The following MS4A13 variants were observed in gnomAD, a reference collection of about 807,000 sequenced individuals.
MS4A13 encodes the protein membrane spanning 4-domains A13, also known as membrane-spanning 4-domains subfamily A member 13.
MS4A13 carries 21 observed loss-of-function variants against 18.4 expected under a neutral mutation model. The observed-to-expected ratio is 1.14, with a 90% confidence interval of 0.81 to 1.64. The LOEUF (loss-of-function observed/expected upper bound fraction) is 1.64, where lower values mean the gene tolerates loss of function less well. Among genes scored for constraint, MS4A13 ranks in the 40% most tolerant of loss-of-function variants. MS4A13 has a pLI of 0.00. For missense variants in MS4A13, 173 were observed against 176.8 expected, an observed-to-expected ratio of 0.98 and a Z score of 0.12; for synonymous variants, 62 against 57.2, an observed-to-expected ratio of 1.08 and a Z score of -0.38.
chr11:60,519,741 C>T (rs1056305300), intron 3 of MS4A13, among the ~76,000 whole-genome samples: 1 of 152,018 alleles, frequency 6.6e-6, no homozygotes, highest in Admixed American at 6.6e-5. Flanking sequence ...AAGAAAGGTG[C>T]AAAGCAATTG....
intron 3 of MS4A13, among the ~76,000 whole-genome samples, chr11:60,519,236 C>T (rs1204409242): frequency 6.6e-6 from 1 of 152,128 alleles, no homozygotes; most frequent in African/African-American, 2.4e-5. Flanking sequence ...AGATGTACAT[C>T]AGATGGGCAG....
chr11:60,528,379 G>C (rs575532586), intron 5 of MS4A13, among the ~76,000 whole-genome samples: 1 of 152,280 alleles, frequency 6.6e-6, no homozygotes, highest in East Asian at 1.9e-4. Flanking sequence ...CCTTCCCAGA[G>C]AGTAATAGCT....
At chr11:60,525,017 G>A (rs1035214434) in intron 4 of MS4A13, among the ~76,000 whole-genome samples, 190 bp from the exon 5 acceptor site, 1 of 152,092 alleles carries the variant, frequency 6.6e-6, no homozygotes, top group Non-Finnish European at 1.5e-5. Context: ...TGGACTGATG[G>A]TGTTAATGTT....
intron 3 of MS4A13, among the ~76,000 whole-genome samples, chr11:60,521,475 T>C (rs1236074903): frequency 6.6e-6 from 1 of 152,200 alleles, no homozygotes; most frequent in African/African-American, 2.4e-5. Flanking sequence ...GCCAGATATC[T>C]TAAATCATCT....
intron 5 of MS4A13, among the ~76,000 whole-genome samples, chr11:60,527,396 C>CTGTGTG (rs1157163515): frequency 2.5e-4 from 26 of 105,788 alleles, no homozygotes; most frequent in African/African-American, 1.0e-3. Context: ...CTCTCTCTCT[C>CTGTGTG]TCTCTCTCTC....
chr11:60,535,519 G>C (rs1322592555), intron 6 of MS4A13, among the ~76,000 whole-genome samples: 1 of 130,836 alleles, frequency 7.6e-6, no homozygotes, highest in East Asian at 2.6e-4. Flanking sequence ...CTCTGAAATT[G>C]TGGCAATAAT....
intron 3 of MS4A13, among the ~76,000 whole-genome samples, chr11:60,521,701 C>T (rs1362237322): frequency 6.6e-6 from 1 of 152,194 alleles, no homozygotes; most frequent in African/African-American, 2.4e-5. Flanking sequence ...CCCACATTTT[C>T]CTGTCTTCTT....
intron 5 of MS4A13, among the ~76,000 whole-genome samples, chr11:60,527,360 C>CTCTCT (rs1231003995): frequency 1.8e-5 from 1 of 56,742 alleles, no homozygotes; most frequent in Non-Finnish European, 3.4e-5. Context: ...CTCATTCATT[C>CTCTCT]CGTCTCTCTC....
intron 2 of MS4A13, among the ~76,000 whole-genome samples, chr11:60,517,001 A>C (rs1320304125): frequency 6.6e-6 from 1 of 151,186 alleles, no homozygotes; most frequent in Non-Finnish European, 1.5e-5. Context: ...GCTGGTGATA[A>C]AACAATAAAA....
At chr11:60,516,714 C>A (rs1179465336) in intron 2 of MS4A13, among the ~76,000 whole-genome samples, 1 of 152,048 alleles carries the variant, frequency 6.6e-6, no homozygotes, top group African/African-American at 2.4e-5. Flanking sequence ...CCTCCTGGAA[C>A]TCATATTGAT....
rs2086859878 is a variant in MS4A13 at position 60,541,657 on chromosome 11, G to A, written c.403-862G>A. ...AGTCAAAATGACCATTACCTTGAAG[G>A]GAAGGAATAGGTAATGGTTGAGAAA... On this transcript the variant is annotated intron_variant, in intron 6 of 6. Transcript: ENST00000378186. Among the ~76,000 whole-genome samples the A allele has an allele frequency of 2.0e-5, 3 of 152,246 alleles. No individual in the cohort carries two copies. The South Asian group carries it at 6.2e-4, about 32-fold the overall frequency.
intron 2 of MS4A13, 69 bp from the exon 3 acceptor site, chr11:60,518,003 A>G: frequency 8.1e-7 from 1 of 1,238,102 alleles, no homozygotes; most frequent in Middle Eastern, 2.1e-4. Flanking sequence ...TGCTTCTTAT[A>G]GTTAACACTT....
intron 4 of MS4A13, 49 bp from the exon 5 acceptor site, chr11:60,525,157 CA>C: frequency 7.0e-7 from 1 of 1,420,130 alleles, no homozygotes; most frequent in Non-Finnish European, 9.8e-7. Flanking sequence ...ACTATTACAC[CA>C]AAATGTTTAT....
chr11:60,542,538 T>C lies in MS4A13; in HGVS notation c.422T>C (p.Leu141Pro). 2 of 1,610,624 alleles carry C rather than the reference T, an allele frequency of 1.2e-6. No homozygotes were observed. Among genetic ancestry groups the C allele is most frequent in the East Asian group, 4.5e-5 (2 of 44,758 alleles). ...TTCCAGTTTCGAAGACAAAATGATC[T>C]TACATCTGTTACTGAGGAAGCTGAG... ...CSNLFRRQND[L>P]TSVTEEAEST... Residue 141 changes from leucine to proline, a missense_variant, in exon 7 of 7, where the codon CTT becomes CCT. Coordinates refer to ENST00000378186, the MANE Select transcript of MS4A13 (RefSeq NM_001012417.3).
chr11:60,538,184 AAAAAAAACG>A (rs2086824580), intron 6 of MS4A13, among the ~76,000 whole-genome samples: 2 of 151,230 alleles, frequency 1.3e-5, no homozygotes, highest in Non-Finnish European at 3.0e-5. Context: ...TAATAAAAAA[AAAAAAAACG>A]AAAAAAAAAA....
chr11:60,535,407 T>A lies in MS4A13; in HGVS notation c.402+5947T>A, dbSNP rs533331037. On this transcript the variant is annotated intron_variant, in intron 6 of 6. Transcript: ENST00000378186. ...AATACTACAAACACCTCTACGCAAA[T>A]AAACTAGAAAATCTAGAAGAAATGG... 4.2e-4 allele frequency among the ~76,000 whole-genome samples: 53 copies of A among 125,534 alleles called. 3 individuals are homozygous for A. Among genetic ancestry groups the A allele is most frequent in the African/African-American group, 1.6e-3 (52 of 31,936 alleles). The allele number at this position is 125,534 out of a possible 152,430, so 82.4% of individuals were successfully genotyped here.
intron 6 of MS4A13, among the ~76,000 whole-genome samples, chr11:60,538,476 C>T (rs2086828789): frequency 6.6e-6 from 1 of 151,494 alleles, no homozygotes; most frequent in Non-Finnish European, 1.5e-5. Context: ...TGTTAATTAG[C>T]CTGATTTAAT....
chr11:60,531,991 G>T lies in MS4A13; in HGVS notation c.402+2531G>T, dbSNP rs549887185. Among the ~76,000 whole-genome samples, 9 of 152,256 alleles carry T rather than the reference G, an allele frequency of 5.9e-5. No homozygotes were observed. In the South Asian group the frequency reaches 8.3e-4, roughly 14 times the overall value. The stretch of plus-strand genomic sequence containing the variant: ...AATGAGGCAATCAGAATCTAAAATT[G>T]CTACCATATATTATCTAAAATGTCC... On this transcript the variant is annotated intron_variant, in intron 6 of 6. Transcript: ENST00000378186.
Position 60,518,166 on chromosome 11 carries a change from A to G in MS4A13, c.83A>G (p.Tyr28Cys). The G allele has an allele frequency of 1.2e-6, 2 of 1,612,312 alleles. No homozygotes were observed. Among genetic ancestry groups the G allele is most frequent in the Non-Finnish European group, 1.7e-6 (2 of 1,178,822 alleles). Residue 28 changes from tyrosine (Y) to cysteine (C), a missense_variant, in exon 3 of 7, where the codon TAT (tyrosine) becomes TGT (cysteine). Transcript: ENST00000378186. ...CAAATTAAAGGAGCCTTTGGAACGT[A>G]TGAACCTGTAACTTACAAAACAGGA... ...MGQIKGAFGTYEPVTYKTGCT... is the reference protein window; with the variant it reads ...MGQIKGAFGTCEPVTYKTGCT...
Sources: gnomAD v4.1 joint callset for allele counts (sites outside exome capture counted in the v4.1 genomes callset) on GRCh38, gnomAD v4.1.1 for gene constraint, MANE v1.5 for transcripts, NCBI Gene and HGNC (gene_info 2026-07-23, HGNC 2026-07-21) for gene names.